The following EIPR1 variants were observed in gnomAD, a reference collection of about 807,000 sequenced individuals.
The protein encoded by EIPR1 is EARP complex and GARP complex interacting protein 1, also known as EARP and GARP complex-interacting protein 1.
Under a neutral mutation model 48.1 loss-of-function variants are expected in EIPR1, and 25 were observed. The ratio of observed to expected loss-of-function variants is 0.52; its 90% CI spans 0.38 to 0.73. EIPR1 has a LOEUF of 0.73. Among genes scored for constraint, EIPR1 ranks in the 30% least tolerant of loss-of-function variants. The pLI, the probability that EIPR1 is intolerant of heterozygous loss-of-function variation, is 0.00. For missense variants in EIPR1, 415 were observed against 506.2 expected (o/e 0.82, Z 1.73); for synonymous variants, 204 against 201.9 (o/e 1.01, Z -0.09).
At chr2:3,206,948 A>G (rs887861451) in intron 5 of EIPR1, among the ~76,000 whole-genome samples, 4 of 152,166 alleles carry the variant, frequency 2.6e-5, no homozygotes, top group Admixed American at 1.3e-4. Flanking sequence ...TCTGAACTGT[A>G]ATGATCATTC....
At chr2:3,295,533 C>T (rs1179855804) in intron 3 of EIPR1, among the ~76,000 whole-genome samples, 6 of 119,000 alleles carry the variant, frequency 5.0e-5, no homozygotes, top group Non-Finnish European at 5.3e-5. Context: ...ATCGTCTCTC[C>T]ACACACACCC....
In EIPR1 at chr2:3,312,744, T is replaced by C. The variant is rs905465093; in HGVS notation, c.259+25273A>G. Among the ~76,000 whole-genome samples the C allele has an allele frequency of 1.3e-5, 2 of 152,124 alleles. No individual in the cohort carries two copies. The highest frequency in any genetic ancestry group is 2.9e-5 in the Non-Finnish European group (2 of 68,026). ...GGTGCCCCAGGCTTGAGAAGGTTCT[T>C]GATGGTTACGTTGCTTTGTCTGCCT... is the stretch of plus-strand genomic sequence containing the variant. On this transcript the variant is annotated intron_variant, in intron 3 of 8. Coordinates refer to ENST00000382125, the MANE Select transcript of EIPR1 (RefSeq NM_003310.5). The surrounding 1 kb of genome is among the most constrained non-coding windows in gnomAD (Gnocchi z 5.5).
chr2:3,193,164 C>A (rs577620298), intron 7 of EIPR1, among the ~76,000 whole-genome samples: 3 of 152,300 alleles, frequency 2.0e-5, no homozygotes, highest in African/African-American at 4.8e-5. Flanking sequence ...AGGAGGTGCA[C>A]CCAGCATGGC....
intron 4 of EIPR1, among the ~76,000 whole-genome samples, chr2:3,252,289 G>A (rs1464368395): frequency 1.3e-5 from 2 of 152,024 alleles, no homozygotes; most frequent in South Asian, 2.1e-4. Flanking sequence ...CAACTCCTAC[G>A]AAGATAAAAC....
At chr2:3,324,195 G>C (rs773513011) in intron 3 of EIPR1, among the ~76,000 whole-genome samples, 2 of 152,154 alleles carry the variant, frequency 1.3e-5, no homozygotes, top group Non-Finnish European at 2.9e-5. Flanking sequence ...GGCACTGCAC[G>C]AGCGACATGT....
At chr2:3,363,270 CA>C (rs909169261) in intron 1 of EIPR1, among the ~76,000 whole-genome samples, 3 of 151,468 alleles carry the variant, frequency 2.0e-5, no homozygotes, top group Non-Finnish European at 4.4e-5. Flanking sequence ...GGAAGAAAAA[CA>C]AAAAAAGACA....
intron 4 of EIPR1, among the ~76,000 whole-genome samples, chr2:3,242,165 ACT>A (rs1457039166): frequency 6.6e-6 from 1 of 151,308 alleles, no homozygotes; most frequent in Non-Finnish European, 1.5e-5. Context: ...CAGGCCCCCG[ACT>A]CCACACCACA....
In EIPR1 at chr2:3,194,044, C is replaced by A. The variant is rs773500738; in HGVS notation, c.776G>T (p.Arg259Leu). The change falls in exon 7 of 9, where the codon CGA becomes CTA. Residue 259 changes from arginine (R) to leucine (L), a missense_variant. By Grantham distance (102) the Arg-to-Leu change is moderately radical (BLOSUM62 -2). Transcript: ENST00000382125. Reference sequence around the variant, plus strand: ...GGTCTTCACGGGTTCGGTGACATTTCGGGTGTCCCAGAACTTCACCTTACA... The same window carrying A: ...GGTCTTCACGGGTTCGGTGACATTTAGGGTGTCCCAGAACTTCACCTTACA... ...DDCKVKFWDT[R>L]NVTEPVKTLE... 6.2e-7 allele frequency: 1 copy of A among 1,613,864 alleles called. No homozygotes were observed. Among genetic ancestry groups the A allele is most frequent in the Non-Finnish European group, 8.5e-7 (1 of 1,180,022 alleles).
At chr2:3,348,641 A>G (rs1558313664) in intron 2 of EIPR1, among the ~76,000 whole-genome samples, 1 of 152,262 alleles carries the variant, frequency 6.6e-6, no homozygotes, top group Non-Finnish European at 1.5e-5. Context: ...CTCAGAGGAA[A>G]GTCAGCAACT....
chr2:3,324,493 G>A (rs1669631833), intron 3 of EIPR1, among the ~76,000 whole-genome samples: 1 of 152,214 alleles, frequency 6.6e-6, no homozygotes, highest in Non-Finnish European at 1.5e-5. Context: ...CCACATACGG[G>A]CCCTGCAGCT....
chr2:3,247,674 A>G lies in EIPR1; in HGVS notation c.416+9625T>C, dbSNP rs545180543. ...CACAGTCAATTGCTCATTATTCACT[A>G]TCAATATGTACACTCTACATATTGA... On this transcript the variant is annotated intron_variant, in intron 4 of 8. Transcript: ENST00000382125. 1.3e-4 allele frequency among the ~76,000 whole-genome samples: 20 copies of G among 152,330 alleles called. No individual in the cohort carries two copies. In the South Asian group the frequency reaches 4.1e-3, roughly 32 times the overall value.
At chr2:3,246,716 C>T (rs147647394) in intron 4 of EIPR1, among the ~76,000 whole-genome samples, 1,613 of 149,540 alleles carry the variant, frequency 0.011, 12 homozygotes, top group Non-Finnish European at 0.018. Context: ...CTGTAGCCTC[C>T]TCCCTGCCGG....
chr2:3,376,142 T>G (rs1659871969), intron 1 of EIPR1, among the ~76,000 whole-genome samples: 1 of 152,134 alleles, frequency 6.6e-6, no homozygotes, highest in Non-Finnish European at 1.5e-5. Flanking sequence ...TCTCTCATTA[T>G]AACAATTAGA....
Position 3,258,121 on chromosome 2 carries a change from C to T in EIPR1, c.260-666G>A, listed in dbSNP as rs556074575. The stretch of plus-strand genomic sequence containing the variant: ...CCTTACACGATCCTGCTGGTGGCTG[C>T]TCGGTCTCCCTGAGTCTTGATACTC... On this transcript the variant is annotated intron_variant, in intron 3 of 8. Coordinates refer to ENST00000382125, the MANE Select transcript of EIPR1 (RefSeq NM_003310.5). Among the ~76,000 whole-genome samples, 3 of 133,964 alleles carry T rather than the reference C, an allele frequency of 2.2e-5. No individual in the cohort carries two copies. The Admixed American group carries it at 2.4e-4, about 11-fold the overall frequency. The allele number at this position is 133,964 out of a possible 152,430, so 87.9% of individuals were successfully genotyped here. A position where few individuals can be genotyped will look rare whatever the true frequency, so the allele number is the denominator to read the frequency against.
chr2:3,310,853 A>T (rs947192781), intron 3 of EIPR1, among the ~76,000 whole-genome samples: 1 of 152,126 alleles, frequency 6.6e-6, no homozygotes, highest in Non-Finnish European at 1.5e-5. Flanking sequence ...TAAATATTTT[A>T]TGATTCCCCC....
chr2:3,334,444 T>C (rs1669984462), intron 3 of EIPR1, among the ~76,000 whole-genome samples: 1 of 152,246 alleles, frequency 6.6e-6, no homozygotes, highest in Admixed American at 6.5e-5. Flanking sequence ...GTCTCTAGAA[T>C]GTTTTCCCTG....
At chr2:3,323,755 A>G (rs879563946) in intron 3 of EIPR1, among the ~76,000 whole-genome samples, 3 of 152,216 alleles carry the variant, frequency 2.0e-5, no homozygotes, top group Non-Finnish European at 4.4e-5. Flanking sequence ...GGCAACCTCT[A>G]TGAACCCTGT....
At chr2:3,375,044 G>T (rs1446492054) in intron 1 of EIPR1, among the ~76,000 whole-genome samples, 1 of 149,972 alleles carries the variant, frequency 6.7e-6, no homozygotes, top group African/African-American at 2.5e-5. Context: ...GGAATACTAT[G>T]CAGCCATAAA....
In EIPR1 at chr2:3,312,875, T is replaced by C. The variant is rs993165482; in HGVS notation, c.259+25142A>G. Among the ~76,000 whole-genome samples the C allele has an allele frequency of 9.8e-5, 15 of 152,302 alleles. No individual in the cohort carries two copies. Among genetic ancestry groups the C allele is most frequent in the African/African-American group, 3.6e-4 (15 of 41,560 alleles). On this transcript the variant is annotated intron_variant, in intron 3 of 8. Coordinates refer to ENST00000382125, the MANE Select transcript of EIPR1 (RefSeq NM_003310.5). This position sits in a 1 kb window ranked among gnomAD's most constrained non-coding sequence, Gnocchi z 5.5. The stretch of plus-strand genomic sequence containing the variant: ...CCTCATATGGAGGTACACCCACTGA[T>C]AAGGGTCACCAGATTGAGAAATAAA...
Sources: gnomAD v4.1 joint callset for allele counts (sites outside exome capture counted in the v4.1 genomes callset) on GRCh38, gnomAD v4.1.1 for gene constraint, Gnocchi (gnomAD v3.1) non-coding constraint, MANE v1.5 for transcripts, NCBI Gene and HGNC (gene_info 2026-07-23, HGNC 2026-07-21) for gene names.